DNAAF9: variants seen among roughly 807,000 people sequenced by gnomAD.
DNAAF9 encodes dynein axonemal assembly factor 9.
In DNAAF9, 90 loss-of-function variants were observed where a neutral mutation model predicts 167.0. That is an observed-to-expected ratio of 0.54 (90% CI 0.45 to 0.64). The LOEUF (loss-of-function observed/expected upper bound fraction) is 0.64, where lower values mean the gene tolerates loss of function less well. DNAAF9 is among the 30% of genes least tolerant of loss of function. The probability of loss-of-function intolerance (pLI) is 0.00; values close to 1 mark genes in which losing one functional copy is unlikely to be tolerated. For missense variants in DNAAF9, 1,315 were observed against 1,442.2 expected, an observed-to-expected ratio of 0.91 and a Z score of 1.43; for synonymous variants, 491 against 508.8, an observed-to-expected ratio of 0.96 and a Z score of 0.47.
In DNAAF9 at chr20:3,289,715, T is replaced by C. The variant is rs946815595; in HGVS notation, c.2327+414A>G. Among the ~76,000 whole-genome samples the C allele has an allele frequency of 2.6e-5, 4 of 152,080 alleles. No homozygotes were observed. In the South Asian group the frequency reaches 8.3e-4, roughly 32 times the overall value. ...TTGTATTTTTGTAGGTTTTGCCATG[T>C]TGTCAAGGCTGGTCTCAAATTCCTG... On this transcript the variant is annotated intron_variant, in intron 26 of 36. Coordinates refer to ENST00000252032, the MANE Select transcript of DNAAF9 (RefSeq NM_001009984.3).
chr20:3,300,321 G>A (rs1237646068), intron 21 of DNAAF9, among the ~76,000 whole-genome samples: 9 of 152,000 alleles, frequency 5.9e-5, no homozygotes, highest in African/African-American at 1.9e-4. Flanking sequence ...GAACATGGAT[G>A]TTTTTCCTTC....
intron 6 of DNAAF9, chr20:3,362,274 C>G: frequency 7.8e-7 from 1 of 1,289,748 alleles, no homozygotes; most frequent in Non-Finnish European, 1.1e-6. Context: ...GTTCTTCCAA[C>G]AGTTGGAAAT....
Position 3,251,352 on chromosome 20 carries a change from T to C in DNAAF9, c.*1220A>G, listed in dbSNP as rs1427331840. The C allele has an allele frequency of 6.6e-6, 1 of 151,436 alleles. No individual in the cohort carries two copies. The highest frequency in any genetic ancestry group is 2.1e-4 in the South Asian group (1 of 4,800). The allele number at this position is 151,436 out of a possible 1,614,324, so 9.4% of individuals were successfully genotyped here. On this transcript the variant is annotated 3_prime_UTR_variant, in exon 37 of 37. Coordinates refer to ENST00000252032, the MANE Select transcript of DNAAF9 (RefSeq NM_001009984.3). ...TCTTCCTAAGGCATGCAAAAAAAAA[T>C]ATGTGAAATTCAGAAAACATTTACA...
intron 20 of DNAAF9, among the ~76,000 whole-genome samples, chr20:3,305,242 A>C: frequency 1.3e-5 from 2 of 152,214 alleles, no homozygotes; most frequent in Non-Finnish European, 2.9e-5. Context: ...AAGATGGACA[A>C]CTAAGATGAC....
In DNAAF9 at chr20:3,315,183, T is replaced by A. The variant is rs1442149619; in HGVS notation, c.1591-63A>T. 1.5e-5 allele frequency: 15 copies of A among 1,012,330 alleles called. No individual in the cohort carries two copies. The highest frequency in any genetic ancestry group is 2.4e-5 in the Non-Finnish European group (15 of 635,854). 62.7% of individuals were successfully genotyped at this position (1,012,330 alleles called of 1,614,324 possible). On this transcript the variant is annotated intron_variant, in intron 19 of 36. Coordinates refer to ENST00000252032, the MANE Select transcript of DNAAF9 (RefSeq NM_001009984.3). This position sits in a 1 kb window ranked among gnomAD's most constrained non-coding sequence, Gnocchi z 4.1. ...AATAGGTGATTTATAGCATAAATATTCACAGAATCAAAAGTCCTGCCCAAT... is the reference window on the plus strand; with the variant it reads ...AATAGGTGATTTATAGCATAAATATACACAGAATCAAAAGTCCTGCCCAAT...
At chr20:3,270,136 CT>C (rs56942768) in intron 30 of DNAAF9, among the ~76,000 whole-genome samples, 58 of 125,450 alleles carry the variant, frequency 4.6e-4, no homozygotes, top group Admixed American at 5.1e-4. Context: ...GCCCAGCCTG[CT>C]TTTTTTTTTT....
chr20:3,406,746 CCT>C (rs2084062458), intron 1 of DNAAF9, among the ~76,000 whole-genome samples: 1 of 152,108 alleles, frequency 6.6e-6, no homozygotes. Context: ...AGGTTCTAGG[CCT>C]CTTTCCCCTA....
intron 3 of DNAAF9, among the ~76,000 whole-genome samples, chr20:3,380,482 T>C (rs940496785): frequency 2.6e-5 from 4 of 152,186 alleles, no homozygotes; most frequent in African/African-American, 9.7e-5. Flanking sequence ...GACTGTTCTG[T>C]GCATTGTAGA....
At chr20:3,271,142 C>G (rs1600682023) in intron 29 of DNAAF9, among the ~76,000 whole-genome samples, 1 of 152,076 alleles carries the variant, frequency 6.6e-6, no homozygotes, top group Non-Finnish European at 1.5e-5. Context: ...TGGTATCTAG[C>G]TGATACTTGG....
chr20:3,269,131 T>C (rs112563102), intron 30 of DNAAF9, among the ~76,000 whole-genome samples: 2,147 of 151,544 alleles, frequency 0.014, 17 homozygotes, highest in South Asian at 0.037. Flanking sequence ...ATGGTCTCAA[T>C]CTCCTGACCT....
chr20:3,319,082 C>CAAAAAAAAAAAAAAAA (rs71195834), intron 16 of DNAAF9, among the ~76,000 whole-genome samples: 2 of 71,126 alleles, frequency 2.8e-5, no homozygotes, highest in Non-Finnish European at 4.9e-5. Context: ...GACTCTGTCT[C>CAAAAAAAAAAAAAAAA]AAAAAAAAAA....
intron 10 of DNAAF9, among the ~76,000 whole-genome samples, chr20:3,333,686 G>GT (rs34940756): frequency 0.39 from 57,841 of 150,144 alleles, 11,292 homozygotes; most frequent in Middle Eastern, 0.53. Context: ...CTTATTAAAG[G>GT]TTTTTTTTTT....
chr20:3,270,770 A>C (rs2068578999), intron 29 of DNAAF9, among the ~76,000 whole-genome samples: 1 of 151,428 alleles, frequency 6.6e-6, no homozygotes, highest in South Asian at 2.1e-4. Flanking sequence ...AATAGCTTCA[A>C]GTCTGTAGCT....
Position 3,318,433 on chromosome 20 carries a change from A to T in DNAAF9, c.1357-33T>A, listed in dbSNP as rs1482038836. 4.6e-6 allele frequency: 5 copies of T among 1,081,190 alleles called. No homozygotes were observed. The Middle Eastern group carries it at 6.0e-4, about 130-fold the overall frequency. The allele number at this position is 1,081,190 out of a possible 1,614,324, so 67.0% of individuals were successfully genotyped here. A position where few individuals can be genotyped will look rare whatever the true frequency, so the allele number is the denominator to read the frequency against. On this transcript the variant is annotated intron_variant, in intron 16 of 36. Coordinates refer to ENST00000252032, the MANE Select transcript of DNAAF9 (RefSeq NM_001009984.3). ...GAATGAGAAACCAGTTAGATCAGTT[A>T]CCAGCCCAAAACTTTCAGAGAAGTC...
intron 33 of DNAAF9, 129 bp from the exon 34 acceptor site, chr20:3,256,340 G>A: frequency 1.4e-6 from 1 of 698,286 alleles, no homozygotes. Context: ...TGATGTGACT[G>A]GTGGCAGCTT....
intron 1 of DNAAF9, among the ~76,000 whole-genome samples, chr20:3,406,507 C>T (rs1396993327): frequency 6.6e-6 from 1 of 152,168 alleles, no homozygotes; most frequent in Non-Finnish European, 1.5e-5. Flanking sequence ...GCTGCAACCC[C>T]TCCATCATTC....
At chr20:3,343,016 T>G (rs1334019972) in intron 9 of DNAAF9, among the ~76,000 whole-genome samples, 3 of 152,000 alleles carry the variant, frequency 2.0e-5, no homozygotes, top group Non-Finnish European at 4.4e-5. Context: ...GGATTCTCTG[T>G]GTACTCTGAT....
chr20:3,265,516 AGT>A (rs1236703027), intron 30 of DNAAF9, among the ~76,000 whole-genome samples: 1 of 138,016 alleles, frequency 7.2e-6, no homozygotes, highest in African/African-American at 2.7e-5. Flanking sequence ...TGGAGGTTGC[AGT>A]GAGACGAGAT....
chr20:3,299,774 T>C (rs2122964051), intron 21 of DNAAF9, among the ~76,000 whole-genome samples: 1 of 152,386 alleles, frequency 6.6e-6, no homozygotes, highest in South Asian at 2.1e-4. Flanking sequence ...GTTAGGTCAC[T>C]GTAGCTTCAT....
Sources: gnomAD v4.1 joint callset for allele counts (sites outside exome capture counted in the v4.1 genomes callset) on GRCh38, gnomAD v4.1.1 for gene constraint, Gnocchi (gnomAD v3.1) non-coding constraint, MANE v1.5 for transcripts, NCBI Gene and HGNC (gene_info 2026-07-23, HGNC 2026-07-21) for gene names.